Variants in PDCD10 observed in about 807,000 individuals in gnomAD.
The protein encoded by PDCD10 is programmed cell death 10.
PDCD10 carries 4 observed loss-of-function variants against 29.2 expected under a neutral mutation model. The ratio of observed to expected loss-of-function variants is 0.14; its 90% CI spans 0.07 to 0.31. The LOEUF (loss-of-function observed/expected upper bound fraction) is 0.31. Among genes scored for constraint, PDCD10 ranks in the 10% least tolerant of loss-of-function variants. The pLI, the probability that PDCD10 is intolerant of heterozygous loss-of-function variation, is 1.00. For missense variants in PDCD10, 183 were observed against 257.9 expected (o/e 0.71, Z 1.99); for synonymous variants, 70 against 82.2 (o/e 0.85, Z 0.80).
Position 167,687,347 on chromosome 3 carries a change from G to C in PDCD10, c.475-31C>G, listed in dbSNP as rs764873545. On this transcript the variant is annotated intron_variant, in intron 7 of 8. Transcript: ENST00000392750. ...GTCACAAAATATAATAAGAAATAAA[G>C]TACTAAATAAGAGAAATAATCACAA... 28 of 1,253,364 alleles carry C rather than the reference G, an allele frequency of 2.2e-5. No individual in the cohort carries two copies. In the African/African-American group the frequency reaches 2.5e-4, roughly 11 times the overall value. 77.6% of individuals were successfully genotyped at this position (1,253,364 alleles called of 1,614,324 possible).
intron 6 of PDCD10, among the ~76,000 whole-genome samples, chr3:167,688,046 C>A (rs1032023721): frequency 2.3e-4 from 35 of 152,260 alleles, no homozygotes; most frequent in East Asian, 1.9e-4. Flanking sequence ...TAAAATTTTT[C>A]TTTGCTCTGG....
intron 6 of PDCD10, among the ~76,000 whole-genome samples, chr3:167,689,592 G>A (rs200274373): frequency 7.1e-6 from 1 of 141,038 alleles, no homozygotes; most frequent in Admixed American, 7.0e-5. Context: ...CAAAAACACA[G>A]GGGAGAAGAA....
intron 3 of PDCD10, among the ~76,000 whole-genome samples, chr3:167,719,092 A>G (rs1723314542): frequency 6.6e-6 from 1 of 152,172 alleles, no homozygotes; most frequent in Non-Finnish European, 1.5e-5. Context: ...AACTGTAATC[A>G]AATCCAATAA....
intron 3 of PDCD10, among the ~76,000 whole-genome samples, chr3:167,716,708 T>G (rs929781039): frequency 6.6e-5 from 10 of 151,998 alleles, no homozygotes; most frequent in African/African-American, 2.4e-4. Context: ...AATAGCTGAT[T>G]CAGATGCTTC....
At chr3:167,715,274 T>C (rs1722896236) in intron 3 of PDCD10, among the ~76,000 whole-genome samples, 1 of 151,854 alleles carries the variant, frequency 6.6e-6, no homozygotes, top group African/African-American at 2.4e-5. Context: ...TCAAAATGGA[T>C]CAAAGATTTA....
chr3:167,687,370 CA>C, intron 7 of PDCD10, 54 bp from the exon 8 acceptor site: 1 of 1,092,376 alleles, frequency 9.2e-7, no homozygotes, highest in Admixed American at 1.7e-5. Context: ...GAAATAATCA[CA>C]AAAGCCAAAG....
At chr3:167,706,205 C>A (rs116199446) in intron 3 of PDCD10, among the ~76,000 whole-genome samples, 9 of 152,152 alleles carry the variant, frequency 5.9e-5, no homozygotes, top group Non-Finnish European at 1.3e-4. Context: ...ATTTTAATTA[C>A]GTGAACCTTA....
At chr3:167,733,887 C>G (rs1441032396) in intron 2 of PDCD10, among the ~76,000 whole-genome samples, 1 of 152,148 alleles carries the variant, frequency 6.6e-6, no homozygotes, top group East Asian at 1.9e-4. Flanking sequence ...GGGGAAAAAT[C>G]TGTAAAAGTT....
intron 2 of PDCD10, among the ~76,000 whole-genome samples, chr3:167,722,290 G>C (rs1723648391): frequency 6.6e-6 from 1 of 152,072 alleles, no homozygotes; most frequent in Admixed American, 6.6e-5. Flanking sequence ...TCACAAAGAG[G>C]CACGGTATTA....
chr3:167,703,004 T>C (rs1702345272), intron 4 of PDCD10, among the ~76,000 whole-genome samples: 1 of 152,194 alleles, frequency 6.6e-6, no homozygotes, highest in Admixed American at 6.5e-5. Flanking sequence ...GCTTATATGT[T>C]AGGATGTTAC....
intron 3 of PDCD10, among the ~76,000 whole-genome samples, chr3:167,716,004 A>C (rs1722969647): frequency 6.6e-6 from 1 of 152,048 alleles, no homozygotes; most frequent in African/African-American, 2.4e-5. Flanking sequence ...ACAACAGCCA[A>C]GATTTTGAAG....
intron 2 of PDCD10, among the ~76,000 whole-genome samples, chr3:167,727,150 G>C (rs1444747122): frequency 3.3e-5 from 5 of 152,160 alleles, no homozygotes; most frequent in African/African-American, 1.2e-4. Flanking sequence ...CTGAAATCAA[G>C]ATGTGATCAA....
intron 7 of PDCD10, 54 bp from the exon 8 acceptor site, chr3:167,687,370 C>T: frequency 1.8e-6 from 2 of 1,092,376 alleles, no homozygotes; most frequent in East Asian, 2.4e-5. Context: ...GAAATAATCA[C>T]AAAAGCCAAA....
intron 4 of PDCD10, among the ~76,000 whole-genome samples, chr3:167,702,783 T>C (rs1163105762): frequency 6.6e-6 from 1 of 152,198 alleles, no homozygotes; most frequent in African/African-American, 2.4e-5. Flanking sequence ...ATTTAAAAAA[T>C]ACAAGCATCT....
At chr3:167,717,724 G>C (rs1723159119) in intron 3 of PDCD10, among the ~76,000 whole-genome samples, 1 of 151,956 alleles carries the variant, frequency 6.6e-6, no homozygotes, top group African/African-American at 2.4e-5. Flanking sequence ...CCATATCAAA[G>C]AGGAAACCCT....
At chr3:167,692,001 T>C (rs1246089009) in intron 6 of PDCD10, among the ~76,000 whole-genome samples, 1 of 152,210 alleles carries the variant, frequency 6.6e-6, no homozygotes, top group East Asian at 1.9e-4. Context: ...TAAGATGACA[T>C]TGATTATATA....
chr3:167,698,728 T>G lies in PDCD10; in HGVS notation c.151-1602A>C, dbSNP rs74378776. On this transcript the variant is annotated intron_variant, in intron 4 of 8. Coordinates refer to ENST00000392750, the MANE Select transcript of PDCD10 (RefSeq NM_007217.4). The stretch of plus-strand genomic sequence containing the variant: ...AAATCTTCCTACATAATGAATTATC[T>G]TGGGGAGAGGGGGAACATTCTCTAT... 8.7e-3 allele frequency among the ~76,000 whole-genome samples: 1,267 copies of G among 145,862 alleles called. 17 individuals are homozygous for G. Among genetic ancestry groups the G allele is most frequent in the African/African-American group, 0.032 (1,207 of 37,850 alleles).
intron 6 of PDCD10, among the ~76,000 whole-genome samples, chr3:167,690,819 C>T (rs1021556394): frequency 2.1e-4 from 32 of 152,336 alleles, no homozygotes; most frequent in Non-Finnish European, 2.1e-4. Context: ...TCATTACCCT[C>T]ATTTTCAGAG....
intron 2 of PDCD10, among the ~76,000 whole-genome samples, chr3:167,723,363 G>T (rs1194228840): frequency 6.6e-6 from 1 of 152,174 alleles, no homozygotes; most frequent in Non-Finnish European, 1.5e-5. Context: ...TTTAGGATGA[G>T]TGTGACCAAG....
Sources: gnomAD v4.1 joint callset for allele counts (sites outside exome capture counted in the v4.1 genomes callset) on GRCh38, gnomAD v4.1.1 for gene constraint, MANE v1.5 for transcripts, NCBI Gene and HGNC (gene_info 2026-07-23, HGNC 2026-07-21) for gene names.